Variants in GUCY2F observed in about 807,000 individuals in gnomAD.
GUCY2F encodes guanylate cyclase 2F, retinal, also known as retinal guanylyl cyclase 2.
In GUCY2F, 61 loss-of-function variants were observed where a neutral mutation model predicts 73.1. That is an observed-to-expected ratio of 0.83 (90% CI 0.68 to 1.03). The LOEUF is 1.03. Among genes scored for constraint, GUCY2F ranks in the 50% least tolerant of loss-of-function variants. The probability of loss-of-function intolerance (pLI) is 0.00; values close to 1 mark genes in which losing one functional copy is unlikely to be tolerated. For missense variants in GUCY2F, 912 were observed against 854.3 expected, an observed-to-expected ratio of 1.07 and a Z score of -0.84; for synonymous variants, 331 against 307.8, an observed-to-expected ratio of 1.08 and a Z score of -0.79.
At chrX:109,435,103 A>C (rs1394820830) in intron 7 of GUCY2F, among the ~76,000 whole-genome samples, 1 of 111,152 alleles carries the variant, frequency 9.0e-6, no homozygotes, top group Non-Finnish European at 1.9e-5. Flanking sequence ...TTGACTTGGC[A>C]ATGCGGGCTC....
chrX:109,438,577 G>C (rs1931805163), intron 7 of GUCY2F, among the ~76,000 whole-genome samples: 1 of 113,144 alleles, frequency 8.8e-6, no homozygotes, highest in South Asian at 3.6e-4. Context: ...TAAGTCTTAA[G>C]TCTTGAGAGT....
At chrX:109,457,880 C>T (rs1364518258) in intron 3 of GUCY2F, among the ~76,000 whole-genome samples, 1 of 112,171 alleles carries the variant, frequency 8.9e-6, no homozygotes, top group Non-Finnish European at 1.9e-5. Context: ...CAGCCATATA[C>T]ATTTGTGGCC....
chrX:109,403,888 T>C (rs2147258920), intron 10 of GUCY2F, among the ~76,000 whole-genome samples: 1 of 112,722 alleles, frequency 8.9e-6, no homozygotes, highest in African/African-American at 3.2e-5. Context: ...ATTTATTTGC[T>C]GAGAGATCAC....
intron 15 of GUCY2F, 83 bp downstream of exon 15, chrX:109,388,406 G>A (rs1287628349): frequency 7.9e-6 from 6 of 757,547 alleles, no homozygotes; most frequent in Non-Finnish European, 1.2e-5. Context: ...CAGGAATCAG[G>A]GGAGAGCTAT....
intron 2 of GUCY2F, among the ~76,000 whole-genome samples, chrX:109,468,372 T>G (rs1252571926): frequency 1.8e-5 from 2 of 112,384 alleles, no homozygotes; most frequent in African/African-American, 3.2e-5. Flanking sequence ...ACACAATGAA[T>G]GTTGTTTAGA....
At chrX:109,383,557 C>T (rs1930369258) in intron 16 of GUCY2F, 1 of 152,741 alleles carries the variant, frequency 6.5e-6, no homozygotes, top group Admixed American at 9.4e-5. Flanking sequence ...GATCTCCATT[C>T]AGTTGTGGAG....
At chrX:109,393,145 C>A in intron 12 of GUCY2F, 90 bp from the exon 13 acceptor site, 1 of 525,998 alleles carries the variant, frequency 1.9e-6, no homozygotes, top group Non-Finnish European at 3.2e-6. Flanking sequence ...AAATCCATTC[C>A]ACCAAAATGC....
At chrX:109,390,026 A>G (rs1395549745) in intron 14 of GUCY2F, among the ~76,000 whole-genome samples, 1 of 112,151 alleles carries the variant, frequency 8.9e-6, no homozygotes, top group South Asian at 3.7e-4. Flanking sequence ...CACAGGAAGG[A>G]AGGATTACAA....
At chrX:109,398,891 T>C (rs1057329870) in intron 10 of GUCY2F, among the ~76,000 whole-genome samples, 193 bp from the exon 11 acceptor site, 2 of 111,669 alleles carry the variant, frequency 1.8e-5, no homozygotes, top group Non-Finnish European at 3.8e-5. Context: ...GAAAACATAC[T>C]ACTCTCTCCA....
At chrX:109,423,112 T>A (rs754498792) in intron 8 of GUCY2F, among the ~76,000 whole-genome samples, 1 of 112,344 alleles carries the variant, frequency 8.9e-6, no homozygotes, top group Admixed American at 9.4e-5. Context: ...GGGACACAAG[T>A]GAAATTTTGG....
rs1371038032 is a variant in GUCY2F at position 109,416,557 on chromosome X, G to A, written c.1792-7389C>T. ...AAACAGACTAACACATAGGTAACTT[G>A]AGTTCTAGAAGGATATAAAGAAAAT... On this transcript the variant is annotated intron_variant, in intron 8 of 19. Coordinates refer to ENST00000218006, the MANE Select transcript of GUCY2F (RefSeq NM_001522.3). Among the ~76,000 whole-genome samples, 3 of 110,972 alleles carry A rather than the reference G, an allele frequency of 2.7e-5. No individual in the cohort carries two copies. The East Asian group carries it at 8.4e-4, about 31-fold the overall frequency.
intron 2 of GUCY2F, among the ~76,000 whole-genome samples, chrX:109,468,313 G>A (rs1932510056): frequency 8.9e-6 from 1 of 111,960 alleles, no homozygotes; most frequent in African/African-American, 3.2e-5. Context: ...AGCTCCTTGA[G>A]GTCAGGAACT....
chrX:109,419,501 A>C (rs1482064570), intron 8 of GUCY2F, among the ~76,000 whole-genome samples: 2 of 110,685 alleles, frequency 1.8e-5, no homozygotes, highest in Non-Finnish European at 3.8e-5. Context: ...TTTATGATTA[A>C]AAGAATCATA....
At chrX:109,447,628 G>T (rs1322629430) in intron 6 of GUCY2F, among the ~76,000 whole-genome samples, 2 of 82,450 alleles carry the variant, frequency 2.4e-5, no homozygotes, top group African/African-American at 4.5e-5. Context: ...CCTGTCGTGG[G>T]GTGGGGGGAG....
In GUCY2F at chrX:109,453,717, T is replaced by C; in HGVS notation, c.1175A>G (p.Gln392Arg). 2.5e-6 allele frequency: 3 copies of C among 1,202,358 alleles called. No homozygotes were observed. The highest frequency in any genetic ancestry group is 3.4e-6 in the Non-Finnish European group (3 of 886,809). ...SRNMQFHGFNQLMRTDSNGNG... is the reference protein window; with the variant it reads ...SRNMQFHGFNRLMRTDSNGNG... The stretch of plus-strand genomic sequence containing the variant: ...TCCATTTGAATCTGTCCTCATCAAC[T>C]GGTTGAATCCATGGAACTGCATGTT... The change falls in exon 4 of 20, where the codon CAG becomes CGG. Residue 392 changes from glutamine to arginine, a missense_variant. Gln to Arg is a conservative substitution (Grantham distance 43). Transcript: ENST00000218006.
In GUCY2F at chrX:109,465,247, A is replaced by C. The variant is rs775397443; in HGVS notation, c.927T>G (p.Asp309Glu). 2.5e-6 allele frequency: 3 copies of C among 1,209,396 alleles called. No individual in the cohort carries two copies. Among genetic ancestry groups the C allele is most frequent in the Non-Finnish European group, 3.4e-6 (3 of 893,170 alleles). ...ACTCCACTGTAATGGTCAACACTGCATCATAGGCTTCCCGGAGCTTTGGGT... is the reference window on the plus strand; with the variant it reads ...ACTCCACTGTAATGGTCAACACTGCCTCATAGGCTTCCCGGAGCTTTGGGT... ...RNNPKLREAYDAVLTITVESQ... is the reference protein window; with the variant it reads ...RNNPKLREAYEAVLTITVESQ... The change falls in exon 3 of 20, where the codon GAT becomes GAG. Residue 309 changes from aspartate (D) to glutamate (E), a missense_variant. Coordinates refer to ENST00000218006, the MANE Select transcript of GUCY2F (RefSeq NM_001522.3).
intron 8 of GUCY2F, among the ~76,000 whole-genome samples, chrX:109,426,846 T>C (rs1203235568): frequency 1.8e-5 from 2 of 112,338 alleles, no homozygotes; most frequent in African/African-American, 6.5e-5. Flanking sequence ...CCACAGTCCA[T>C]GTCCAATTGA....
intron 6 of GUCY2F, among the ~76,000 whole-genome samples, chrX:109,443,121 C>A (rs2147273252): frequency 9.0e-6 from 1 of 111,139 alleles, no homozygotes; most frequent in East Asian, 2.8e-4. Flanking sequence ...CAGCCAGCTG[C>A]AAGTTTGTGA....
At chrX:109,432,814 C>T (rs1309417313) in intron 7 of GUCY2F, among the ~76,000 whole-genome samples, 3 of 112,052 alleles carry the variant, frequency 2.7e-5, no homozygotes, top group Non-Finnish European at 5.6e-5. Context: ...TGGAGTCAGG[C>T]TTTAGGAGAG....
Sources: allele counts gnomAD v4.1 joint callset (sites outside exome capture counted in the v4.1 genomes callset), GRCh38; gene constraint gnomAD v4.1.1; transcripts MANE v1.5; gene names NCBI Gene and HGNC (gene_info 2026-07-23, HGNC 2026-07-21).